LOXHD1: variants seen among roughly 807,000 people sequenced by gnomAD.
The protein encoded by LOXHD1 is lipoxygenase homology PLAT domains 1, also known as lipoxygenase homology domain-containing protein 1.
In LOXHD1, 205 loss-of-function variants were observed where a neutral mutation model predicts 248.2. The ratio of observed to expected loss-of-function variants is 0.83; its 90% CI spans 0.74 to 0.93. The LOEUF is 0.93. LOXHD1 is among the 40% of genes least tolerant of loss of function. The pLI is 0.00. For missense variants in LOXHD1, 2,930 were observed against 2,971.6 expected (o/e 0.99, Z 0.33); for synonymous variants, 1,113 against 1,162.8 (o/e 0.96, Z 0.87).
chr18:46,650,984 T>A (rs2039103706), intron 1 of LOXHD1, among the ~76,000 whole-genome samples: 1 of 152,240 alleles, frequency 6.6e-6, no homozygotes, highest in Non-Finnish European at 1.5e-5. Flanking sequence ...ATGAAAAGCC[T>A]CTGGCACACA....
intron 2 of LOXHD1, among the ~76,000 whole-genome samples, chr18:46,647,061 GCCCAA>G (rs2039040208): frequency 1.3e-5 from 2 of 152,216 alleles, no homozygotes; most frequent in African/African-American, 2.4e-5. Flanking sequence ...TGCTCTTGCT[GCCCAA>G]CCTGGAACAT....
rs111330585 is a variant in LOXHD1 at position 46,559,663 on chromosome 18, G to A, written c.3062-61C>T. ...ATGGCCATGGGGTGTTTGGACCTGA[G>A]GCACAGCCTCTCAGATCCAGCCAGA... On this transcript the variant is annotated intron_variant, in intron 19 of 40. Transcript: ENST00000642948. 14,928 of 1,516,322 alleles carry A rather than the reference G, an allele frequency of 9.8e-3. 1,035 individuals carry two copies. The African/African-American group carries it at 0.16, about 16-fold the overall frequency. 93.9% of individuals were successfully genotyped at this position (1,516,322 alleles called of 1,614,324 possible). A position where few individuals can be genotyped will look rare whatever the true frequency, so the allele number is the denominator to read the frequency against.
In LOXHD1 at chr18:46,566,257, A is replaced by G; in HGVS notation, c.2437T>C (p.Leu813=). The part of the protein sequence containing the change: ...YPSEVVEIQK[L]VHYEVEIWTG... ...GGTCCCACCACAGCCTCCTCCATAC[A>G]TTTCTGGATCTCCACCACCTCGCTG... is the stretch of plus-strand genomic sequence containing the variant. Residue 813 remains leucine (L), a splice_region_variant and synonymous_variant, in exon 17 of 41, where the codon TTG becomes CTG. Coordinates refer to ENST00000642948, the MANE Select transcript of LOXHD1 (RefSeq NM_001384474.1). 1 of 1,547,154 alleles carries G rather than the reference A, an allele frequency of 6.5e-7. No individual in the cohort carries two copies. The highest frequency in any genetic ancestry group is 8.7e-7 in the Non-Finnish European group (1 of 1,143,502).
intron 14 of LOXHD1, among the ~76,000 whole-genome samples, chr18:46,574,334 G>A (rs757690128): frequency 3.5e-4 from 53 of 149,388 alleles, no homozygotes; most frequent in Non-Finnish European, 5.9e-4. Flanking sequence ...AGTCAGTCTG[G>A]TGGTGATTTT....
At chr18:46,594,906 C>T (rs920411315) in intron 8 of LOXHD1, among the ~76,000 whole-genome samples, 1 of 152,148 alleles carries the variant, frequency 6.6e-6, no homozygotes, top group African/African-American at 2.4e-5. Context: ...GATCCTCATT[C>T]AACCTTCTCT....
intron 32 of LOXHD1, 46 bp from the exon 33 acceptor site, chr18:46,521,328 G>A (rs762726004): frequency 3.9e-6 from 6 of 1,547,446 alleles, no homozygotes; most frequent in South Asian, 1.2e-5. Context: ...GCACAACTGG[G>A]AAGGAAGTGC....
intron 22 of LOXHD1, among the ~76,000 whole-genome samples, 170 bp downstream of exon 22, chr18:46,546,725 C>T (rs547831806): frequency 2.0e-5 from 3 of 152,312 alleles, no homozygotes; most frequent in Admixed American, 6.5e-5. Flanking sequence ...GACTATGCCC[C>T]CTTTACCTCC....
intron 17 of LOXHD1, among the ~76,000 whole-genome samples, chr18:46,563,656 T>C (rs2037575944): frequency 6.6e-6 from 1 of 152,134 alleles, no homozygotes. Flanking sequence ...CCCCCCAAAA[T>C]GCTTATGTTG....
At chr18:46,650,702 GAGA>G (rs149579671) in intron 1 of LOXHD1, among the ~76,000 whole-genome samples, 46,617 of 151,870 alleles carry the variant, frequency 0.31, 8,340 homozygotes, top group East Asian at 0.43. Flanking sequence ...AAGTGTGAGG[GAGA>G]ATGGGGGAGG....
At chr18:46,609,561 C>T (rs903321581) in intron 6 of LOXHD1, among the ~76,000 whole-genome samples, 1 of 152,154 alleles carries the variant, frequency 6.6e-6, no homozygotes, top group Non-Finnish European at 1.5e-5. Context: ...TAACCTTTTC[C>T]TATCATTCTG....
intron 25 of LOXHD1, among the ~76,000 whole-genome samples, chr18:46,541,009 G>C (rs765872007): frequency 2.0e-5 from 3 of 152,144 alleles, no homozygotes. Flanking sequence ...TTATTATTTA[G>C]TTAGAAAAAA....
intron 37 of LOXHD1, 114 bp from the exon 38 acceptor site, chr18:46,489,256 C>T: frequency 9.0e-7 from 1 of 1,112,024 alleles, no homozygotes. Flanking sequence ...TATCTGTCCT[C>T]TTTGGGCCTT....
At chr18:46,561,909 C>T (rs2037537344) in intron 18 of LOXHD1, among the ~76,000 whole-genome samples, 4 of 152,206 alleles carry the variant, frequency 2.6e-5, no homozygotes. Context: ...CTTGCTGCAC[C>T]ACTGGCCTCC....
At chr18:46,510,695 C>A (rs16978571) in intron 34 of LOXHD1, among the ~76,000 whole-genome samples, 7 of 152,176 alleles carry the variant, frequency 4.6e-5, no homozygotes, top group Non-Finnish European at 1.0e-4. Flanking sequence ...TAGCTGATGG[C>A]GGCTGAGACT....
intron 21 of LOXHD1, among the ~76,000 whole-genome samples, chr18:46,550,982 T>A (rs1349157924): frequency 1.3e-5 from 2 of 152,200 alleles, no homozygotes; most frequent in African/African-American, 2.4e-5. Context: ...CCACATCCCC[T>A]GGCATACAAG....
chr18:46,557,322 A>T (rs2037382875), intron 21 of LOXHD1, 34 bp downstream of exon 21: 1 of 1,551,030 alleles, frequency 6.4e-7, no homozygotes, highest in Admixed American at 2.0e-5. Context: ...CCCTCAGAGC[A>T]ACACCCCTCC....
chr18:46,577,963 G>A, intron 13 of LOXHD1, 96 bp from the exon 14 acceptor site: 1 of 1,364,452 alleles, frequency 7.3e-7, no homozygotes, highest in East Asian at 2.5e-5. Flanking sequence ...AAAATCCAGA[G>A]CTGATGGGTT....
intron 40 of LOXHD1, among the ~76,000 whole-genome samples, chr18:46,478,839 T>C (rs900579621): frequency 7.2e-5 from 11 of 152,314 alleles, no homozygotes; most frequent in African/African-American, 2.6e-4. Context: ...ACTATGAGCA[T>C]GCACTATCAT....
In LOXHD1 at chr18:46,484,705, G is replaced by A. The variant is rs572839213; in HGVS notation, c.6182+314C>T. Among the ~76,000 whole-genome samples, 6 of 152,302 alleles carry A rather than the reference G, an allele frequency of 3.9e-5. No individual in the cohort carries two copies. The East Asian group carries it at 9.7e-4, about 25-fold the overall frequency. ...GAGTGAGGAGATGAAGTGGGCATCC[G>A]AACAGTTCAGAGGTGGCTCTGATGG... On this transcript the variant is annotated intron_variant, in intron 39 of 40. Transcript: ENST00000642948.
Sources: gnomAD v4.1 joint callset for allele counts (sites outside exome capture counted in the v4.1 genomes callset) on GRCh38, gnomAD v4.1.1 for gene constraint, MANE v1.5 for transcripts, NCBI Gene and HGNC (gene_info 2026-07-23, HGNC 2026-07-21) for gene names.